The following ATF7IP variants were observed in gnomAD, a reference collection of about 807,000 sequenced individuals.
The protein encoded by ATF7IP is activating transcription factor 7 interacting protein.
In ATF7IP, 23 loss-of-function variants were observed where a neutral mutation model predicts 106.4. That is an observed-to-expected ratio of 0.22 (90% CI 0.16 to 0.31). The LOEUF is 0.31. Among genes scored for constraint, ATF7IP ranks in the 10% least tolerant of loss-of-function variants. ATF7IP has a pLI of 1.00. For synonymous variants in ATF7IP, 542 were observed against 539.0 expected, an observed-to-expected ratio of 1.01 and a Z score of -0.08; for missense variants, 1,334 against 1,524.3, an observed-to-expected ratio of 0.88 and a Z score of 2.08.
In ATF7IP at chr12:14,397,617, TTCTG is replaced by T. The variant is rs145630288; in HGVS notation, c.-7-26282_-7-26279del. 1.6e-3 allele frequency among the ~76,000 whole-genome samples: 242 copies of T among 152,300 alleles called. 4 individuals are homozygous for T. The East Asian group carries it at 0.026, about 16-fold the overall frequency. ...TTTTTGCTTCTCATAGCCCCCCACT[TTCTG>T]TCTGTCTGTAGCTCTCTTTCTCTTG... On this transcript the variant is annotated intron_variant, in intron 1 of 14. Coordinates refer to ENST00000261168, the MANE Select transcript of ATF7IP (RefSeq NM_018179.5).
chr12:14,397,213 T>G (rs1313416487), intron 1 of ATF7IP, among the ~76,000 whole-genome samples: 1 of 151,820 alleles, frequency 6.6e-6, no homozygotes, highest in Non-Finnish European at 1.5e-5. Flanking sequence ...AAAAAAACAA[T>G]GAGGATAAAG....
chr12:14,377,816 G>A (rs1202997388), intron 1 of ATF7IP, among the ~76,000 whole-genome samples: 2 of 151,878 alleles, frequency 1.3e-5, no homozygotes, highest in African/African-American at 4.8e-5. Context: ...GTTTCACCAT[G>A]TTGGTCAGGC....
At chr12:14,481,222 T>C in intron 13 of ATF7IP, 37 bp downstream of exon 13, 3 of 1,605,510 alleles carry the variant, frequency 1.9e-6, no homozygotes, top group East Asian at 2.2e-5. Context: ...CCAAGATACA[T>C]GTAGTTCTCT....
In ATF7IP at chr12:14,475,922, T is replaced by C. The variant is rs1192924817; in HGVS notation, c.2895T>C (p.Gly965=). The C allele has an allele frequency of 1.2e-6, 2 of 1,613,852 alleles. No homozygotes were observed. The highest frequency in any genetic ancestry group is 2.2e-5 in the South Asian group (2 of 91,032). Residue 965 remains glycine (G), a synonymous_variant, in exon 11 of 15, where the codon GGT becomes GGC. Transcript: ENST00000261168. Reference sequence around the variant, plus strand: ...AAGCCACTGGCAGTGATTCAAGTGGTGTCATTGATCTCACAATGGATGATG... The same window carrying C: ...AAGCCACTGGCAGTGATTCAAGTGGCGTCATTGATCTCACAATGGATGATG... The part of the protein sequence containing the change: ...CGKATGSDSS[G]VIDLTMDDEE...
At chr12:14,476,840 A>T (rs1411462883) in intron 11 of ATF7IP, among the ~76,000 whole-genome samples, 1 of 152,220 alleles carries the variant, frequency 6.6e-6, no homozygotes, top group South Asian at 2.1e-4. Context: ...CTGAGTTATA[A>T]TATTTAGAAA....
chr12:14,405,840 G>T (rs1940550260), intron 1 of ATF7IP, among the ~76,000 whole-genome samples: 1 of 152,122 alleles, frequency 6.6e-6, no homozygotes, highest in Admixed American at 6.6e-5. Context: ...AGGCATTTTA[G>T]TTGCTATACT....
chr12:14,468,729 TAATA>T (rs959432637), intron 10 of ATF7IP, among the ~76,000 whole-genome samples: 42 of 152,228 alleles, frequency 2.8e-4, no homozygotes, highest in African/African-American at 1.0e-3. Flanking sequence ...TGTATATGAA[TAATA>T]AATATAATTA....
intron 13 of ATF7IP, among the ~76,000 whole-genome samples, chr12:14,484,296 G>A (rs1324606053): frequency 6.6e-6 from 1 of 152,164 alleles, no homozygotes; most frequent in South Asian, 2.1e-4. Flanking sequence ...GATGACAGGG[G>A]TGGCTGGGGA....
intron 1 of ATF7IP, among the ~76,000 whole-genome samples, chr12:14,399,448 A>T (rs898254938): frequency 6.6e-5 from 10 of 151,686 alleles, no homozygotes; most frequent in African/African-American, 2.4e-4. Flanking sequence ...CCCTATAATG[A>T]TTTTCTGAAA....
At chr12:14,365,886 C>T (rs1938261727) in intron 1 of ATF7IP, 59 bp downstream of exon 1, 1 of 152,500 alleles carries the variant, frequency 6.6e-6, no homozygotes, top group South Asian at 2.0e-4. Context: ...TATTGTATTT[C>T]TGAAGAGTCA....
intron 9 of ATF7IP, among the ~76,000 whole-genome samples, chr12:14,465,272 C>T (rs1444779425): frequency 3.3e-5 from 5 of 151,970 alleles, no homozygotes; most frequent in African/African-American, 1.2e-4. Context: ...AAAAGTGAAA[C>T]TTCCTCATCT....
At chr12:14,445,504 T>A (rs925144914) in intron 5 of ATF7IP, among the ~76,000 whole-genome samples, 13 of 152,182 alleles carry the variant, frequency 8.5e-5, no homozygotes, top group Non-Finnish European at 1.8e-4. Flanking sequence ...CATTTACCTT[T>A]TTAGAAAGTT....
At chr12:14,476,223 G>A in intron 11 of ATF7IP, 2 of 313,846 alleles carry the variant, frequency 6.4e-6, no homozygotes, top group Non-Finnish European at 5.9e-6. Flanking sequence ...ACCAGCCCGG[G>A]CAATGCGGTG....
chr12:14,414,404 G>C (rs555209060), intron 1 of ATF7IP, among the ~76,000 whole-genome samples: 2 of 152,312 alleles, frequency 1.3e-5, no homozygotes, highest in Admixed American at 1.3e-4. Context: ...GCTGCATAGA[G>C]CCCAGGGCTG....
chr12:14,425,506 T>A (rs1337401337), intron 2 of ATF7IP, 33 bp downstream of exon 2: 1 of 1,490,592 alleles, frequency 6.7e-7, no homozygotes. Context: ...AAAGATTTTT[T>A]ATTGACTTTG....
rs780469320 is a variant in ATF7IP, at chr12:14,460,834, TATCCTTGCC to T, written c.2509_2517del (p.Ser837_Pro839del). 4.3e-6 allele frequency: 7 copies of T among 1,614,200 alleles called. No individual in the cohort carries two copies. The highest frequency in any genetic ancestry group is 5.9e-6 in the Non-Finnish European group (7 of 1,180,026). ...GTGAGTGGTCTTACCAAAAATCCAG[TATCCTTGCC>T]ATCCTTGCCAAATCCCACTAAACCA... is the stretch of plus-strand genomic sequence containing the variant. On this transcript the variant is annotated inframe_deletion, in exon 9 of 15. Transcript: ENST00000261168.
chr12:14,487,488 A>G (rs1199361927), intron 13 of ATF7IP, among the ~76,000 whole-genome samples: 1 of 152,206 alleles, frequency 6.6e-6, no homozygotes, highest in African/African-American at 2.4e-5. Context: ...GTTGCCTCAC[A>G]TATCACAGGC....
rs934729482 is a variant in ATF7IP, at chr12:14,367,168, CTT to C, written c.-8+1343_-8+1344del. 2.6e-5 allele frequency among the ~76,000 whole-genome samples: 4 copies of C among 152,194 alleles called. No individual in the cohort carries two copies. In the East Asian group the frequency reaches 5.8e-4, roughly 22 times the overall value. ...ACTGGTTTCTTGGTTGGTTATAACT[CTT>C]TAAGTTTGAATCAGTCTACTGTCAA... On this transcript the variant is annotated intron_variant, in intron 1 of 14. Coordinates refer to ENST00000261168, the MANE Select transcript of ATF7IP (RefSeq NM_018179.5).
intron 1 of ATF7IP, among the ~76,000 whole-genome samples, chr12:14,387,975 A>C (rs1248371249): frequency 6.6e-6 from 1 of 151,044 alleles, no homozygotes; most frequent in South Asian, 2.1e-4. Flanking sequence ...TCTGACATTG[A>C]CGAGCTTATT....
Sources: gnomAD v4.1 joint callset for allele counts (sites outside exome capture counted in the v4.1 genomes callset) on GRCh38, gnomAD v4.1.1 for gene constraint, MANE v1.5 for transcripts, NCBI Gene and HGNC (gene_info 2026-07-23, HGNC 2026-07-21) for gene names.